Variants in RFC3 observed in about 807,000 individuals in gnomAD.
RFC3 encodes the protein A1 38 kDa subunit.
In RFC3, 41 loss-of-function variants were observed where a neutral mutation model predicts 45.1. That is an observed-to-expected ratio of 0.91 (90% CI 0.71 to 1.18). RFC3 has a LOEUF of 1.18. Among genes scored for constraint, RFC3 ranks in the 50% most tolerant of loss-of-function variants. The pLI is 0.00. For synonymous variants in RFC3, 149 were observed against 144.0 expected, an observed-to-expected ratio of 1.03 and a Z score of -0.25; for missense variants, 423 against 428.1, an observed-to-expected ratio of 0.99 and a Z score of 0.10.
chr13:33,914,688 A>G (rs966278813), intron 8 of RFC3, among the ~76,000 whole-genome samples: 12 of 152,188 alleles, frequency 7.9e-5, no homozygotes, highest in Admixed American at 3.9e-4. Flanking sequence ...TTATATGTCC[A>G]ATGCTAAATA....
intron 1 of RFC3, among the ~76,000 whole-genome samples, chr13:33,820,150 G>GC (rs2081988747): frequency 6.6e-6 from 1 of 152,128 alleles, no homozygotes; most frequent in East Asian, 1.9e-4. Flanking sequence ...AGCCTTCATA[G>GC]CACTGGTTCC....
intron 8 of RFC3, chr13:33,835,467 T>G (rs1051328211): frequency 1.5e-6 from 1 of 655,548 alleles, no homozygotes; most frequent in Non-Finnish European, 2.9e-6. Flanking sequence ...GAAGAGAATT[T>G]CAGAGTGTTG....
chr13:33,933,658 A>G (rs967316871), intron 8 of RFC3, among the ~76,000 whole-genome samples: 2 of 152,154 alleles, frequency 1.3e-5, no homozygotes, highest in African/African-American at 4.8e-5. Context: ...ATGACCTGTG[A>G]AATTGAAAAT....
chr13:33,962,278 C>A (rs1401847249), intron 8 of RFC3, among the ~76,000 whole-genome samples: 4 of 152,166 alleles, frequency 2.6e-5, no homozygotes, highest in African/African-American at 7.2e-5. Context: ...GAAAGGAGAT[C>A]AAAAACACAG....
At chr13:33,887,530 T>C (rs1355310470) in intron 8 of RFC3, among the ~76,000 whole-genome samples, 1 of 152,062 alleles carries the variant, frequency 6.6e-6, no homozygotes, top group African/African-American at 2.4e-5. Flanking sequence ...AGATTCTGGA[T>C]ATTAGCCCTT....
chr13:33,875,677 C>T (rs1234477892), intron 8 of RFC3, among the ~76,000 whole-genome samples: 1 of 152,104 alleles, frequency 6.6e-6, no homozygotes, highest in Non-Finnish European at 1.5e-5. Flanking sequence ...CCCAATTCAC[C>T]TCAGGTTTCA....
chr13:33,931,532 T>A (rs2082852180), intron 8 of RFC3, among the ~76,000 whole-genome samples: 1 of 151,992 alleles, frequency 6.6e-6, no homozygotes, highest in Admixed American at 6.6e-5. Context: ...GTGTAAATTC[T>A]AAAATCTTGC....
chr13:33,841,200 T>G (rs2082195908), downstream of RFC3, among the ~76,000 whole-genome samples: 1 of 152,226 alleles, frequency 6.6e-6, no homozygotes, highest in South Asian at 2.1e-4. Flanking sequence ...AGTTTCATCC[T>G]TCTCCACCCC....
intron 8 of RFC3, among the ~76,000 whole-genome samples, chr13:33,885,924 C>G (rs1016143928): frequency 6.6e-5 from 10 of 152,038 alleles, no homozygotes; most frequent in Non-Finnish European, 1.5e-4. Flanking sequence ...TTTCCATTCT[C>G]TCTTGCAACT....
Position 33,836,880 on chromosome 13 carries a change from G to A in RFC3, c.*585G>A. 2.0e-6 allele frequency: 2 copies of A among 984,470 alleles called. No homozygotes were observed. The highest frequency in any genetic ancestry group is 9.4e-5 in the South Asian group (2 of 21,270). 61.0% of individuals were successfully genotyped at this position (984,470 alleles called of 1,614,324 possible). A position where few individuals can be genotyped will look rare whatever the true frequency, so the allele number is the denominator to read the frequency against. On this transcript the variant is annotated 3_prime_UTR_variant, in exon 9 of 9. Coordinates refer to ENST00000380071, the MANE Select transcript of RFC3 (RefSeq NM_002915.4). ...GTATTAGGTCGGTACTAAGAAATAA[G>A]CATGTTTTCACTAATTTAAGTACTT...
chr13:33,831,228 C>T (rs775011863), intron 6 of RFC3, 28 bp from the exon 7 acceptor site: 42 of 1,374,660 alleles, frequency 3.1e-5, no homozygotes, highest in Non-Finnish European at 4.3e-5. Context: ...TTCTGTTTAA[C>T]TTCTTGTGTT....
chr13:33,974,067 A>G, the RFC3 span, among the ~76,000 whole-genome samples: 1 of 152,162 alleles, frequency 6.6e-6, no homozygotes, highest in African/African-American at 2.4e-5. Context: ...GGTACCACAC[A>G]TGGCTAATAA....
chr13:33,869,405 T>TA (rs397766184), intron 8 of RFC3, among the ~76,000 whole-genome samples: 1 of 145,410 alleles, frequency 6.9e-6, no homozygotes, highest in Admixed American at 6.8e-5. Flanking sequence ...TTTTTTTTTT[T>TA]AGGGGTAGGG....
At chr13:33,910,223 T>C (rs1157386592) in intron 8 of RFC3, among the ~76,000 whole-genome samples, 2 of 152,072 alleles carry the variant, frequency 1.3e-5, no homozygotes, top group African/African-American at 4.8e-5. Context: ...GATTTTTCTC[T>C]CAAAAAGAGA....
intron 8 of RFC3, among the ~76,000 whole-genome samples, chr13:33,918,067 G>A (rs773089583): frequency 6.6e-6 from 1 of 152,106 alleles, no homozygotes; most frequent in African/African-American, 2.4e-5. Flanking sequence ...GAGGAAACTT[G>A]GATTCAGAAA....
At chr13:33,854,821 A>C (rs944780021) in intron 8 of RFC3, among the ~76,000 whole-genome samples, 6 of 152,178 alleles carry the variant, frequency 3.9e-5, no homozygotes, top group African/African-American at 1.4e-4. Context: ...TCAGGTGTCT[A>C]TTTCAAGTTT....
chr13:33,896,936 A>G (rs1933240082), intron 8 of RFC3, among the ~76,000 whole-genome samples: 1 of 152,058 alleles, frequency 6.6e-6, no homozygotes, highest in East Asian at 1.9e-4. Flanking sequence ...TATTGAGACA[A>G]AAGCTGGGAG....
rs565055840 is a variant in RFC3 at position 33,932,554 on chromosome 13, C to A, written c.880-33533C>A. Among the ~76,000 whole-genome samples the A allele has an allele frequency of 1.1e-4, 16 of 151,972 alleles. 1 individual carries two copies. The highest frequency in any genetic ancestry group is 3.1e-4 in the African/African-American group (13 of 41,448). ...AATTTTTTGGAATGCTTTTTATCAG[C>A]AATATGAGAAATTCCATGAAACTGT... On this transcript the variant is annotated intron_variant, in intron 8 of 8. Coordinates refer to the RFC3 transcript ENST00000434425.
intron 8 of RFC3, among the ~76,000 whole-genome samples, chr13:33,926,326 T>G (rs1315312627): frequency 6.6e-6 from 1 of 151,680 alleles, no homozygotes; most frequent in Non-Finnish European, 1.5e-5. Context: ...ACCTGCACAT[T>G]GTGCACATGT....
Sources: gnomAD v4.1 joint callset for allele counts (sites outside exome capture counted in the v4.1 genomes callset) on GRCh38, gnomAD v4.1.1 for gene constraint, MANE v1.5 for transcripts, NCBI Gene and HGNC (gene_info 2026-07-23, HGNC 2026-07-21) for gene names.